The following ANK3 variants were observed in gnomAD, a reference collection of about 807,000 sequenced individuals.
ANK3 encodes ankyrin-3.
In ANK3, 57 loss-of-function variants were observed where a neutral mutation model predicts 370.9. The ratio of observed to expected loss-of-function variants is 0.15; its 90% CI spans 0.12 to 0.19. The LOEUF is 0.19. ANK3 is among the 10% of genes least tolerant of loss of function. The pLI is 1.00. For synonymous variants in ANK3, 1,929 were observed against 1,946.3 expected, an observed-to-expected ratio of 0.99 and a Z score of 0.23; for missense variants, 4,439 against 5,302.1, an observed-to-expected ratio of 0.84 and a Z score of 5.06.
intron 29 of ANK3, 144 bp from the exon 30 acceptor site, chr10:60,087,028 T>C (rs936323115): frequency 1.2e-5 from 8 of 647,250 alleles, no homozygotes; most frequent in Non-Finnish European, 2.0e-5. Context: ...TTTTTTAACC[T>C]TTCTTACTAT....
intron 1 of ANK3, among the ~76,000 whole-genome samples, chr10:60,680,617 A>T (rs1364211324): frequency 6.6e-6 from 1 of 152,094 alleles, no homozygotes; most frequent in South Asian, 2.1e-4. Flanking sequence ...ATGTTTCTCA[A>T]ATCCGTGTCT....
At chr10:60,285,069 G>A (rs1331752180) in intron 1 of ANK3, among the ~76,000 whole-genome samples, 3 of 151,998 alleles carry the variant, frequency 2.0e-5, no homozygotes, top group African/African-American at 2.4e-5. Flanking sequence ...CCAGTGCAGT[G>A]GACTAGGTAA....
chr10:60,597,648 T>A (rs1487457143), intron 2 of ANK3, among the ~76,000 whole-genome samples: 1 of 152,140 alleles, frequency 6.6e-6, no homozygotes, highest in East Asian at 1.9e-4. Flanking sequence ...TCAGCTCAAA[T>A]CCTAGATGCC....
intron 1 of ANK3, among the ~76,000 whole-genome samples, chr10:60,307,396 G>C (rs1235321754): frequency 6.6e-6 from 1 of 152,040 alleles, no homozygotes; most frequent in Non-Finnish European, 1.5e-5. Context: ...GCAATGGCAT[G>C]ATCATAGCTC....
intron 1 of ANK3, among the ~76,000 whole-genome samples, chr10:60,698,096 T>G (rs895310858): frequency 1.3e-5 from 2 of 151,976 alleles, no homozygotes; most frequent in East Asian, 3.9e-4. Flanking sequence ...GCGAAGGACA[T>G]GAACAGACAC....
At position 60,279,558 on chromosome 10, in the gene ANK3, C is replaced by CA; in HGVS notation, c.195dup (p.Asp66Ter). The stretch of plus-strand genomic sequence containing the variant: ...CTAACCTGATTGCAAATGTTGATGT[C>CA]AACTCCATTTTTTATGTAGTCGAGG... On this transcript the variant is annotated frameshift_variant, in exon 2 of 44. Coordinates refer to ENST00000280772, the MANE Select transcript of ANK3 (RefSeq NM_020987.5). LOFTEE classifies it high-confidence loss of function. The CA allele has an allele frequency of 6.2e-7, 1 of 1,610,420 alleles. No individual in the cohort carries two copies. Among genetic ancestry groups the CA allele is most frequent in the Non-Finnish European group, 8.5e-7 (1 of 1,179,126 alleles).
At chr10:60,715,055 A>C (rs1349684905) in intron 1 of ANK3, among the ~76,000 whole-genome samples, 1 of 152,136 alleles carries the variant, frequency 6.6e-6, no homozygotes. Flanking sequence ...AGGTGTTATT[A>C]ACAGGGGAAA....
At chr10:60,406,472 G>A (rs2063458567) in intron 2 of ANK3, among the ~76,000 whole-genome samples, 1 of 152,162 alleles carries the variant, frequency 6.6e-6, no homozygotes, top group Admixed American at 6.5e-5. Flanking sequence ...TTCTCATAAA[G>A]GGCAAGCGAT....
At chr10:60,111,568 T>A (rs1323954471) in intron 26 of ANK3, among the ~76,000 whole-genome samples, 1 of 152,210 alleles carries the variant, frequency 6.6e-6, no homozygotes, top group African/African-American at 2.4e-5. Context: ...ATAGCACAAA[T>A]TCTACAAATG....
At chr10:60,518,634 T>C (rs938035495) in intron 2 of ANK3, among the ~76,000 whole-genome samples, 3 of 152,132 alleles carry the variant, frequency 2.0e-5, no homozygotes, top group Admixed American at 2.0e-4. Flanking sequence ...CGATGGTGAT[T>C]CTTTATCACT....
chr10:60,514,916 G>A lies in ANK3; in HGVS notation c.96+100270C>T, dbSNP rs2076179643. ...TTCATATAAAATGACAAATTTTATT[G>A]TAGAGAGTTGTGTCTTTGGTTGATA... is the stretch of plus-strand genomic sequence containing the variant. On this transcript the variant is annotated intron_variant, in intron 2 of 43. Coordinates refer to the ANK3 transcript ENST00000373827. 2.0e-5 allele frequency among the ~76,000 whole-genome samples: 3 copies of A among 152,058 alleles called. No homozygotes were observed. In the South Asian group the frequency reaches 6.2e-4, roughly 32 times the overall value.
intron 1 of ANK3, among the ~76,000 whole-genome samples, chr10:60,721,630 T>C (rs1211048686): frequency 6.6e-6 from 1 of 152,192 alleles, no homozygotes; most frequent in Non-Finnish European, 1.5e-5. Flanking sequence ...TTGTACTTCA[T>C]TCCATGAGAC....
intron 2 of ANK3, among the ~76,000 whole-genome samples, chr10:60,407,651 C>A (rs2063481809): frequency 6.6e-6 from 1 of 152,106 alleles, no homozygotes; most frequent in African/African-American, 2.4e-5. Flanking sequence ...TTTATATAAA[C>A]CATCTTATGA....
At chr10:60,121,138 T>TA (rs2093439906) in intron 25 of ANK3, among the ~76,000 whole-genome samples, 1 of 151,860 alleles carries the variant, frequency 6.6e-6, no homozygotes, top group Non-Finnish European at 1.5e-5. Flanking sequence ...TGTTCAGCCA[T>TA]AAAAAAGAAT....
intron 40 of ANK3, chr10:60,062,893 C>A: frequency 2.7e-6 from 1 of 369,138 alleles, no homozygotes; most frequent in Non-Finnish European, 4.8e-6. Flanking sequence ...GGCGTTCATA[C>A]GTCATGATTT....
At chr10:60,401,034 T>C (rs2063343041) in intron 2 of ANK3, among the ~76,000 whole-genome samples, 3 of 152,214 alleles carry the variant, frequency 2.0e-5, no homozygotes, top group African/African-American at 7.2e-5. Context: ...TTTTCCTGCC[T>C]TCAACATATA....
At chr10:60,065,009 T>G (rs2081357519) in intron 38 of ANK3, among the ~76,000 whole-genome samples, 1 of 152,342 alleles carries the variant, frequency 6.6e-6, no homozygotes, top group South Asian at 2.1e-4. Context: ...TGATAGGGTT[T>G]GTGCTAAGCA....
chr10:60,480,018 G>A (rs1359416672), intron 2 of ANK3, among the ~76,000 whole-genome samples: 3 of 152,098 alleles, frequency 2.0e-5, no homozygotes, highest in East Asian at 1.9e-4. Context: ...AAAAGCTGGC[G>A]GGCACTGCCT....
chr10:60,040,566 G>A (rs72818459), intron 43 of ANK3, among the ~76,000 whole-genome samples: 12,173 of 152,164 alleles, frequency 0.08, 652 homozygotes, highest in Non-Finnish European at 0.12. Context: ...TCCTTTGAGT[G>A]GTGCAGCAAG....
Sources: allele counts gnomAD v4.1 joint callset (sites outside exome capture counted in the v4.1 genomes callset), GRCh38; gene constraint gnomAD v4.1.1; transcripts MANE v1.5; gene names NCBI Gene and HGNC (gene_info 2026-07-23, HGNC 2026-07-21).